BIRC6: variants seen among roughly 807,000 people sequenced by gnomAD.
BIRC6 encodes baculoviral IAP repeat containing 6.
In BIRC6, 98 loss-of-function variants were observed where a neutral mutation model predicts 503.3. The ratio of observed to expected loss-of-function variants is 0.19; its 90% CI spans 0.17 to 0.23. The LOEUF is 0.23. Among genes scored for constraint, BIRC6 ranks in the 10% least tolerant of loss-of-function variants. BIRC6 has a pLI of 1.00. For synonymous variants in BIRC6, 2,240 were observed against 2,078.7 expected (o/e 1.08, Z -2.11); for missense variants, 5,360 against 5,806.0 (o/e 0.92, Z 2.50).
At chr2:32,390,175 TA>T (rs953927782) in intron 4 of BIRC6, among the ~76,000 whole-genome samples, 8 of 150,948 alleles carry the variant, frequency 5.3e-5, no homozygotes, top group Admixed American at 2.0e-4. Flanking sequence ...TTCTTTTTTT[TA>T]TATTTTTGTT....
At chr2:32,505,252 T>C (rs1388389717) in intron 50 of BIRC6, 47 bp downstream of exon 50, 3 of 1,433,926 alleles carry the variant, frequency 2.1e-6, no homozygotes. Context: ...AGCTTTAATT[T>C]AGAAATATTT....
intron 37 of BIRC6, among the ~76,000 whole-genome samples, chr2:32,480,005 TA>T (rs1285117497): frequency 6.6e-6 from 1 of 152,148 alleles, no homozygotes; most frequent in Non-Finnish European, 1.5e-5. Context: ...AGTATCTTTA[TA>T]AATTAGCATG....
chr2:32,487,653 A>C lies in BIRC6; in HGVS notation c.7820A>C (p.Gln2607Pro), dbSNP rs752657870. 1 of 1,613,178 alleles carries C rather than the reference A, an allele frequency of 6.2e-7. No individual in the cohort carries two copies. The highest frequency in any genetic ancestry group is 8.5e-7 in the Non-Finnish European group (1 of 1,179,470). Residue 2607 changes from glutamine (Q) to proline (P), a missense_variant, in exon 41 of 74, where the codon CAG (glutamine) becomes CCG (proline). Gln to Pro is a moderately conservative substitution (Grantham distance 76). This residue lies in a region of BIRC6 where 2,299 missense variants were observed against 2,267.2 expected (regional missense o/e 1.01). Coordinates refer to ENST00000421745, the MANE Select transcript of BIRC6 (RefSeq NM_016252.4). ...ACTTGTGTTTAATTTTCAGTATCACAGTCTCCCACTGGAACAGATGATTCA... is the reference window on the plus strand; with the variant it reads ...ACTTGTGTTTAATTTTCAGTATCACCGTCTCCCACTGGAACAGATGATTCA... Reference protein sequence around the residue: ...ALTNTSPTLSQSPTGTDDSLL... With the variant: ...ALTNTSPTLSPSPTGTDDSLL...
chr2:32,384,698 G>A (rs1461398086), intron 3 of BIRC6, among the ~76,000 whole-genome samples: 1 of 152,154 alleles, frequency 6.6e-6, no homozygotes, highest in East Asian at 1.9e-4. Flanking sequence ...GCTGTAGCCT[G>A]GTTAGTATTG....
At chr2:32,578,979 A>ATATATATATATATAT (rs1424095222) in intron 66 of BIRC6, among the ~76,000 whole-genome samples, 1 of 74,336 alleles carries the variant, frequency 1.3e-5, no homozygotes, top group African/African-American at 6.0e-5. Context: ...TTATATACCT[A>ATATATATATATATAT]ATATATATAT....
chr2:32,525,075 G>A, intron 58 of BIRC6, 56 bp downstream of exon 58: 1 of 1,365,598 alleles, frequency 7.3e-7, no homozygotes, highest in Non-Finnish European at 9.6e-7. Context: ...TAAAATATTA[G>A]AATTTTAGTT....
intron 66 of BIRC6, among the ~76,000 whole-genome samples, chr2:32,587,883 A>G (rs2151293606): frequency 6.6e-6 from 1 of 152,318 alleles, no homozygotes; most frequent in Middle Eastern, 3.4e-3. Context: ...ATTAAAGGGC[A>G]GCATATTTCA....
chr2:32,603,177 C>CTATCTTTTTTTAGGTTTA, intron 71 of BIRC6, 94 bp downstream of exon 71: 1 of 874,300 alleles, frequency 1.1e-6, no homozygotes, highest in Non-Finnish European at 1.7e-6. Context: ...ATATAGTAAA[C>CTATCTTTTTTTAGGTTTA]CTAAAAAAAG....
chr2:32,599,297 C>G (rs1053092747), intron 69 of BIRC6, among the ~76,000 whole-genome samples: 4 of 150,048 alleles, frequency 2.7e-5, no homozygotes, highest in African/African-American at 4.9e-5. Flanking sequence ...CCATTGGACT[C>G]CAGCCTGGGC....
At chr2:32,472,530 G>A (rs1211904865) in intron 32 of BIRC6, among the ~76,000 whole-genome samples, 5 of 152,292 alleles carry the variant, frequency 3.3e-5, no homozygotes, top group African/African-American at 1.2e-4. Context: ...TAAGTAGGTA[G>A]GAAAGAGAGA....
chr2:32,473,649 A>G (rs2049346754), intron 33 of BIRC6, among the ~76,000 whole-genome samples: 2 of 140,472 alleles, frequency 1.4e-5, no homozygotes, highest in African/African-American at 2.7e-5. Context: ...CTGCCCCTCT[A>G]TCTAGCTTCC....
At chr2:32,380,126 T>G in intron 2 of BIRC6, 27 bp from the exon 3 acceptor site, 1 of 1,442,290 alleles carries the variant, frequency 6.9e-7, no homozygotes, top group Non-Finnish European at 9.2e-7. Context: ...TTTTCTGTGA[T>G]TTTTTTATTT....
intron 6 of BIRC6, among the ~76,000 whole-genome samples, chr2:32,400,514 T>A (rs2040489171): frequency 6.6e-6 from 1 of 151,970 alleles, no homozygotes; most frequent in Admixed American, 6.6e-5. Flanking sequence ...AATTTTCGTA[T>A]TTTTAGTAGA....
intron 59 of BIRC6, chr2:32,527,255 G>C (rs1195460721): frequency 6.6e-6 from 1 of 152,158 alleles, no homozygotes; most frequent in Non-Finnish European, 1.5e-5. Flanking sequence ...TGTACCAGTG[G>C]CTTGTATGTA....
At chr2:32,536,658 G>C (rs1271336095) in intron 61 of BIRC6, among the ~76,000 whole-genome samples, 2 of 152,044 alleles carry the variant, frequency 1.3e-5, no homozygotes, top group Non-Finnish European at 2.9e-5. Flanking sequence ...CTGTTCCATT[G>C]GTCTGTATGT....
chr2:32,365,847 T>C (rs563472489), intron 1 of BIRC6, among the ~76,000 whole-genome samples: 16 of 151,802 alleles, frequency 1.1e-4, no homozygotes, highest in Non-Finnish European at 1.9e-4. Flanking sequence ...TTTTAAGCAG[T>C]TTTATTTATT....
intron 2 of BIRC6, 68 bp downstream of exon 2, chr2:32,377,837 G>A: frequency 1.5e-6 from 2 of 1,344,782 alleles, no homozygotes; most frequent in Non-Finnish European, 1.0e-6. Flanking sequence ...GATGTTAAAT[G>A]AAATTAAGTC....
At chr2:32,616,070 A>G (rs1170226555) in intron 73 of BIRC6, among the ~76,000 whole-genome samples, 1 of 152,218 alleles carries the variant, frequency 6.6e-6, no homozygotes, top group East Asian at 1.9e-4. Flanking sequence ...GTAAACTGCA[A>G]TATAGAGCAA....
chr2:32,569,450 C>A (rs749953851), intron 65 of BIRC6, among the ~76,000 whole-genome samples: 1 of 152,154 alleles, frequency 6.6e-6, no homozygotes, highest in Non-Finnish European at 1.5e-5. Flanking sequence ...CTCACTGTAG[C>A]CTCGACCTGG....
Sources: allele counts gnomAD v4.1 joint callset (sites outside exome capture counted in the v4.1 genomes callset), GRCh38; gene constraint gnomAD v4.1.1; regional missense constraint gnomAD v4.1.1; transcripts MANE v1.5; gene names NCBI Gene and HGNC (gene_info 2026-07-23, HGNC 2026-07-21).